The following MYO16 variants were observed in gnomAD, a reference collection of about 807,000 sequenced individuals.
The protein encoded by MYO16 is unconventional myosin-XVI.
MYO16 carries 94 observed loss-of-function variants against 205.3 expected under a neutral mutation model. The observed-to-expected ratio is 0.46, with a 90% CI of 0.39 to 0.54. The LOEUF (loss-of-function observed/expected upper bound fraction) is 0.54. MYO16 is among the 20% of genes least tolerant of loss of function. MYO16 has a pLI of 0.00. For missense variants in MYO16, 2,315 were observed against 2,387.5 expected (o/e 0.97, Z 0.63); for synonymous variants, 988 against 954.0 (o/e 1.04, Z -0.66).
At chr13:108,819,663 A>AT in intron 7 of MYO16, among the ~76,000 whole-genome samples, 1 of 152,206 alleles carries the variant, frequency 6.6e-6, no homozygotes, top group African/African-American at 2.4e-5. Flanking sequence ...TATATGTGTG[A>AT]TATATTATAA....
rs879217338 is a variant in MYO16 at position 109,052,236 on chromosome 13, A to G, written c.2873-64A>G. 3.5e-6 allele frequency: 5 copies of G among 1,419,202 alleles called. No individual in the cohort carries two copies. The East Asian group carries it at 1.1e-4, about 32-fold the overall frequency. The allele number at this position is 1,419,202 out of a possible 1,614,324, so 87.9% of individuals were successfully genotyped here. A position where few individuals can be genotyped will look rare whatever the true frequency, so the allele number is the denominator to read the frequency against. The stretch of plus-strand genomic sequence containing the variant: ...AGTGGCTAGAGCTCTTGTATGAAGA[A>G]TAAGTTCAATGCTTAAGTAATAATT... On this transcript the variant is annotated intron_variant, in intron 24 of 34. Transcript: ENST00000457511.
At chr13:109,139,734 T>G (rs1876948370) in intron 31 of MYO16, among the ~76,000 whole-genome samples, 1 of 152,134 alleles carries the variant, frequency 6.6e-6, no homozygotes, top group East Asian at 1.9e-4. Context: ...GTTACATGCA[T>G]CAGCTAACAG....
At chr13:108,806,189 A>T (rs1887108078) in intron 6 of MYO16, among the ~76,000 whole-genome samples, 1 of 152,156 alleles carries the variant, frequency 6.6e-6, no homozygotes, top group Admixed American at 6.5e-5. Flanking sequence ...AGCCGCCGGG[A>T]TTAGTTAATC....
chr13:108,614,420 T>C (rs1222958412), intron 1 of MYO16, among the ~76,000 whole-genome samples: 2 of 152,032 alleles, frequency 1.3e-5, no homozygotes, highest in Non-Finnish European at 2.9e-5. Flanking sequence ...ACAGATAAAA[T>C]GCAATCCCTA....
At chr13:109,075,381 CT>C (rs758498810) in intron 27 of MYO16, among the ~76,000 whole-genome samples, 6 of 146,762 alleles carry the variant, frequency 4.1e-5, no homozygotes, top group African/African-American at 1.0e-4. Context: ...CCAGCATTTC[CT>C]TTTTTTTTCT....
At chr13:109,147,536 A>T (rs763336976) in intron 32 of MYO16, among the ~76,000 whole-genome samples, 8 of 152,160 alleles carry the variant, frequency 5.3e-5, no homozygotes, top group Non-Finnish European at 2.9e-5. Flanking sequence ...AAATCTTGAC[A>T]TCCCATAATG....
chr13:108,966,393 T>A (rs1177920713), intron 20 of MYO16, among the ~76,000 whole-genome samples: 2 of 152,186 alleles, frequency 1.3e-5, no homozygotes, highest in African/African-American at 4.8e-5. Flanking sequence ...AATTTTCATT[T>A]GACATTTAAA....
intron 20 of MYO16, among the ~76,000 whole-genome samples, chr13:108,965,232 A>T (rs2139375046): frequency 6.6e-6 from 1 of 152,212 alleles, no homozygotes; most frequent in South Asian, 2.1e-4. Flanking sequence ...GGAAGAAGAC[A>T]CTCTAAGAAC....
intron 22 of MYO16, among the ~76,000 whole-genome samples, chr13:109,012,859 T>G (rs1023207221): frequency 1.3e-5 from 2 of 151,922 alleles, no homozygotes; most frequent in African/African-American, 2.4e-5. Flanking sequence ...AATTTAAGTT[T>G]TATAAGTCAT....
At chr13:109,117,556 T>C (rs61372059) in intron 28 of MYO16, among the ~76,000 whole-genome samples, 26,614 of 149,368 alleles carry the variant, frequency 0.18, 2,602 homozygotes, top group African/African-American at 0.24. Flanking sequence ...ATGGTAAATA[T>C]GTACAAAGCA....
At chr13:108,873,156 T>TGATA (rs1879147155) in intron 12 of MYO16, among the ~76,000 whole-genome samples, 1 of 152,198 alleles carries the variant, frequency 6.6e-6, no homozygotes, top group Non-Finnish European at 1.5e-5. Context: ...TTGTATTATG[T>TGATA]CTGTTGTTTT....
intron 23 of MYO16, among the ~76,000 whole-genome samples, chr13:109,037,940 T>A (rs1407827440): frequency 1.3e-5 from 2 of 151,704 alleles, no homozygotes; most frequent in Non-Finnish European, 1.5e-5. Flanking sequence ...TGGAAAGGAG[T>A]TTATTGAAAG....
At chr13:109,040,385 C>CACACAGAGAGAGAGAGAGAGAGAGAGAG (rs1394314811) in intron 23 of MYO16, among the ~76,000 whole-genome samples, 66 of 113,252 alleles carry the variant, frequency 5.8e-4, no homozygotes, top group East Asian at 3.9e-3. Context: ...CACACACACA[C>CACACAGAGAGAGAGAGAGAGAGAGAGAG]AGAGAGAGAG....
At chr13:108,980,410 T>C (rs148898980) in intron 20 of MYO16, among the ~76,000 whole-genome samples, 150 of 152,332 alleles carry the variant, frequency 9.8e-4, no homozygotes, top group African/African-American at 3.4e-3. Flanking sequence ...TCCTGCTCAA[T>C]AGAGTTAGCC....
Position 108,967,702 on chromosome 13 carries a change from T to A in MYO16, c.2369+2800T>A, listed in dbSNP as rs144555952. Among the ~76,000 whole-genome samples the A allele has an allele frequency of 2.8e-4, 43 of 152,330 alleles. No individual in the cohort carries two copies. The East Asian group carries it at 3.3e-3, about 12-fold the overall frequency. ...TAAAATAATAACAGTAATAAAAAAA[T>A]AGCAATAATATAATGCCGTATATTT... On this transcript the variant is annotated intron_variant, in intron 20 of 34. Coordinates refer to ENST00000457511, the MANE Select transcript of MYO16 (RefSeq NM_001198950.3).
chr13:109,023,313 T>C (rs1886173926), intron 23 of MYO16, among the ~76,000 whole-genome samples: 2 of 87,286 alleles, frequency 2.3e-5, no homozygotes, highest in South Asian at 8.9e-4. Context: ...AATATATATA[T>C]TTATATATTA....
chr13:108,552,636 G>C, the MYO16 span, among the ~76,000 whole-genome samples: 2 of 152,136 alleles, frequency 1.3e-5, no homozygotes, highest in Admixed American at 1.3e-4. Flanking sequence ...ATTCTCAGAT[G>C]AGTATCATCA....
At chr13:108,503,598 C>T in the MYO16 span, among the ~76,000 whole-genome samples, 222 of 152,198 alleles carry the variant, frequency 1.5e-3, 1 homozygote, top group African/African-American at 5.0e-3. Context: ...GCAAATGTGC[C>T]TTTGCAGGTG....
chr13:108,665,219 G>T (rs1284681915), intron 1 of MYO16, among the ~76,000 whole-genome samples: 1 of 152,010 alleles, frequency 6.6e-6, no homozygotes, highest in Non-Finnish European at 1.5e-5. Flanking sequence ...AAGCAGTCGG[G>T]ACTATAGCCA....
Sources: gnomAD v4.1 joint callset for allele counts (sites outside exome capture counted in the v4.1 genomes callset) on GRCh38, gnomAD v4.1.1 for gene constraint, MANE v1.5 for transcripts, NCBI Gene and HGNC (gene_info 2026-07-23, HGNC 2026-07-21) for gene names.